The following LEKR1 variants were observed in gnomAD, a reference collection of about 807,000 sequenced individuals.
LEKR1 encodes the protein leucine, glutamate and lysine rich 1.
LEKR1 carries 59 observed loss-of-function variants against 72.4 expected under a neutral mutation model. That is an observed-to-expected ratio of 0.82 (90% confidence interval 0.66 to 1.01). The LOEUF is 1.01. Ranked by LOEUF, LEKR1 falls within the 50% of genes least tolerant of loss-of-function variation. The probability of loss-of-function intolerance (pLI) is 0.00; values close to 1 mark genes in which losing one functional copy is unlikely to be tolerated. For missense variants in LEKR1, 728 were observed against 759.2 expected (o/e 0.96, Z 0.48); for synonymous variants, 257 against 263.2 (o/e 0.98, Z 0.23).
rs1411502929 is a variant in LEKR1 at position 156,966,089 on chromosome 3, T to A, written c.746-13105T>A. ...TAATTAACTAATGTAACTAAATAAATAATTTAAAATAGTGAAAAAATAAAA... is the reference window on the plus strand; with the variant it reads ...TAATTAACTAATGTAACTAAATAAAAAATTTAAAATAGTGAAAAAATAAAA... On this transcript the variant is annotated intron_variant, in intron 6 of 12. Coordinates refer to ENST00000356539, the MANE Select transcript of LEKR1 (RefSeq NM_001004316.3). Among the ~76,000 whole-genome samples the A allele has an allele frequency of 3.3e-5, 5 of 152,220 alleles. No individual in the cohort carries two copies. The East Asian group carries it at 9.6e-4, about 29-fold the overall frequency.
At chr3:156,954,298 T>C (rs920765708) in intron 6 of LEKR1, among the ~76,000 whole-genome samples, 9 of 152,090 alleles carry the variant, frequency 5.9e-5, no homozygotes, top group Non-Finnish European at 1.3e-4. Context: ...AAAAATTTTC[T>C]TCCATTCTTT....
At chr3:156,923,527 A>G (rs1724410048) in intron 4 of LEKR1, among the ~76,000 whole-genome samples, 1 of 152,210 alleles carries the variant, frequency 6.6e-6, no homozygotes, top group African/African-American at 2.4e-5. Flanking sequence ...ATTGCTGAAC[A>G]GTATTCCACT....
rs907411811 is a variant in LEKR1 at position 157,036,870 on chromosome 3, G to A, written c.1668+8468G>A. 2.6e-5 allele frequency among the ~76,000 whole-genome samples: 4 copies of A among 152,136 alleles called. No homozygotes were observed. In the East Asian group the frequency reaches 5.8e-4, roughly 22 times the overall value. On this transcript the variant is annotated intron_variant, in intron 12 of 12. Transcript: ENST00000356539. Reference sequence around the variant, plus strand: ...ATGTTGAGAGGATATTTACACTTCTGTAAGTTTGGTGAAAAATTAATATCA... The same window carrying A: ...ATGTTGAGAGGATATTTACACTTCTATAAGTTTGGTGAAAAATTAATATCA...
intron 3 of LEKR1, among the ~76,000 whole-genome samples, chr3:156,857,452 G>A (rs1275489739): frequency 6.6e-6 from 1 of 152,014 alleles, no homozygotes; most frequent in African/African-American, 2.4e-5. Context: ...ATAAATAGAA[G>A]ATTTAAAAAA....
At position 156,835,863 on chromosome 3, in the gene LEKR1, C is replaced by CTTTTTTTT. The variant is rs59061418; in HGVS notation, c.48+6508_48+6515dup. Among the ~76,000 whole-genome samples, 10 of 55,534 alleles carry CTTTTTTTT rather than the reference C, an allele frequency of 1.8e-4. 4 individuals carry two copies. The highest frequency in any genetic ancestry group is 3.2e-4 in the Non-Finnish European group (10 of 30,948). The allele number at this position is 55,534 out of a possible 152,430, so 36.4% of individuals were successfully genotyped here. A position where few individuals can be genotyped will look rare whatever the true frequency, so the allele number is the denominator to read the frequency against. ...TCCCCCCAAGTCTTGCTCTGTCTCA[C>CTTTTTTTT]TTTTTTTTTTTTTTTTTTTTTTTTT... is the stretch of plus-strand genomic sequence containing the variant. On this transcript the variant is annotated intron_variant, in intron 2 of 12. Transcript: ENST00000356539.
intron 6 of LEKR1, among the ~76,000 whole-genome samples, chr3:156,975,057 A>G (rs1000657168): frequency 2.0e-5 from 3 of 152,184 alleles, no homozygotes; most frequent in Non-Finnish European, 4.4e-5. Context: ...CCTTCTTTAC[A>G]TACATTAAGT....
intron 7 of LEKR1, among the ~76,000 whole-genome samples, chr3:156,982,735 C>A (rs182538660): frequency 6.6e-6 from 1 of 152,110 alleles, no homozygotes; most frequent in East Asian, 1.9e-4. Context: ...GGGAACACCT[C>A]CCTGAAATAA....
At chr3:156,899,345 T>C (rs1246386167) in intron 3 of LEKR1, among the ~76,000 whole-genome samples, 1 of 129,012 alleles carries the variant, frequency 7.8e-6, no homozygotes, top group Non-Finnish European at 1.6e-5. Context: ...TATATACACA[T>C]ATATACATGT....
chr3:156,931,525 C>T (rs1361021655), intron 5 of LEKR1, among the ~76,000 whole-genome samples: 1 of 152,110 alleles, frequency 6.6e-6, no homozygotes, highest in East Asian at 1.9e-4. Context: ...AATGTACGTC[C>T]ACAAGATACT....
At position 156,931,736 on chromosome 3, in the gene LEKR1, T is replaced by C. The variant is rs182273187; in HGVS notation, c.559+4132T>C. Among the ~76,000 whole-genome samples the C allele has an allele frequency of 3.3e-5, 5 of 152,264 alleles. No individual in the cohort carries two copies. The East Asian group carries it at 9.6e-4, about 29-fold the overall frequency. On this transcript the variant is annotated intron_variant, in intron 5 of 12. Coordinates refer to ENST00000356539, the MANE Select transcript of LEKR1 (RefSeq NM_001004316.3). The stretch of plus-strand genomic sequence containing the variant: ...ATATTATGGTACTTGAAAATAGCCT[T>C]ACACAAATAATACATATTGTATTAT...
At chr3:157,027,919 A>C (rs947963726) in intron 11 of LEKR1, among the ~76,000 whole-genome samples, 184 bp from the exon 12 acceptor site, 1 of 152,198 alleles carries the variant, frequency 6.6e-6, no homozygotes, top group African/African-American at 2.4e-5. Flanking sequence ...TACTGTTTTA[A>C]GTAGAAAAAT....
chr3:156,959,707 C>T (rs1438194645), intron 6 of LEKR1, among the ~76,000 whole-genome samples: 1 of 152,092 alleles, frequency 6.6e-6, no homozygotes, highest in Non-Finnish European at 1.5e-5. Context: ...TAGGTTATCT[C>T]TCCTAATCAA....
intron 3 of LEKR1, among the ~76,000 whole-genome samples, chr3:156,904,123 G>A (rs1307927147): frequency 1.3e-5 from 2 of 152,138 alleles, no homozygotes; most frequent in African/African-American, 2.4e-5. Context: ...ATTTACCAAC[G>A]CCTACTGGGC....
chr3:156,974,031 TG>T (rs376608687), intron 6 of LEKR1, among the ~76,000 whole-genome samples: 11 of 152,168 alleles, frequency 7.2e-5, no homozygotes, highest in African/African-American at 2.7e-4. Context: ...GGAGACATAC[TG>T]CAGACAAATT....
intron 2 of LEKR1, among the ~76,000 whole-genome samples, chr3:156,837,972 G>C (rs1713369433): frequency 6.6e-6 from 1 of 152,186 alleles, no homozygotes; most frequent in African/African-American, 2.4e-5. Flanking sequence ...CATTTTGCAA[G>C]ATGTAGCCAG....
chr3:156,877,813 C>A (rs9820893), intron 3 of LEKR1, among the ~76,000 whole-genome samples: 1 of 152,040 alleles, frequency 6.6e-6, no homozygotes, highest in Admixed American at 6.5e-5. Context: ...GACAACGTCT[C>A]GCTCTGTTGC....
chr3:156,843,647 G>GA (rs1326128688), intron 2 of LEKR1, among the ~76,000 whole-genome samples: 2 of 152,088 alleles, frequency 1.3e-5, no homozygotes, highest in Non-Finnish European at 2.9e-5. Flanking sequence ...AATTTATCCA[G>GA]AATAACAGTT....
intron 5 of LEKR1, among the ~76,000 whole-genome samples, chr3:156,934,511 A>G (rs1725523752): frequency 6.6e-6 from 1 of 152,214 alleles, no homozygotes; most frequent in Non-Finnish European, 1.5e-5. Flanking sequence ...AATTTAATGT[A>G]GGCTATTATC....
At chr3:156,887,546 T>C (rs1386123611) in intron 3 of LEKR1, among the ~76,000 whole-genome samples, 1 of 152,246 alleles carries the variant, frequency 6.6e-6, no homozygotes, top group African/African-American at 2.4e-5. Context: ...CTTTGAATTC[T>C]GAACACTCTT....
Sources: allele counts gnomAD v4.1 joint callset (sites outside exome capture counted in the v4.1 genomes callset), GRCh38; gene constraint gnomAD v4.1.1; transcripts MANE v1.5; gene names NCBI Gene and HGNC (gene_info 2026-07-23, HGNC 2026-07-21).